PIWIL3: variants seen among roughly 807,000 people sequenced by gnomAD.
PIWIL3 encodes the protein piwi like RNA-mediated gene silencing 3, also known as piwi-like protein 3.
In PIWIL3, 101 loss-of-function variants were observed where a neutral mutation model predicts 109.7. The ratio of observed to expected loss-of-function variants is 0.92; its 90% CI spans 0.78 to 1.09. The LOEUF (loss-of-function observed/expected upper bound fraction) is 1.09. PIWIL3 is among the 50% of genes least tolerant of loss of function. PIWIL3 has a pLI of 0.00. For synonymous variants in PIWIL3, 373 were observed against 376.4 expected, an observed-to-expected ratio of 0.99 and a Z score of 0.10; for missense variants, 1,031 against 1,072.6, an observed-to-expected ratio of 0.96 and a Z score of 0.54.
At chr22:24,757,673 C>CACACATATATATAAAATATGTATATATT (rs1569109514) in intron 4 of PIWIL3, among the ~76,000 whole-genome samples, 4 of 133,680 alleles carry the variant, frequency 3.0e-5, no homozygotes, top group African/African-American at 1.1e-4. Context: ...CACACACACA[C>CACACATATATATAAAATATGTATATATT]ACACACACAC....
chr22:24,740,328 C>T (rs575387284), intron 12 of PIWIL3, among the ~76,000 whole-genome samples: 2 of 151,522 alleles, frequency 1.3e-5, no homozygotes, highest in African/African-American at 2.4e-5. Flanking sequence ...GCGGGTGGAT[C>T]ACAAGGTCAG....
chr22:24,726,580 C>T (rs1268167065), intron 16 of PIWIL3, among the ~76,000 whole-genome samples: 3 of 152,190 alleles, frequency 2.0e-5, no homozygotes, highest in Non-Finnish European at 4.4e-5. Flanking sequence ...CCGCCGCACC[C>T]GGCGGTATTG....
chr22:24,746,135 A>G (rs1924353582), intron 12 of PIWIL3, among the ~76,000 whole-genome samples: 1 of 152,218 alleles, frequency 6.6e-6, no homozygotes. Context: ...CACATCAAGA[A>G]AAGAAAACTA....
chr22:24,772,516 T>TTACA (rs1290240829), intron 1 of PIWIL3, among the ~76,000 whole-genome samples: 1 of 152,088 alleles, frequency 6.6e-6, no homozygotes, highest in Non-Finnish European at 1.5e-5. Context: ...CCTGTGGGGG[T>TTACA]TACAGGAGCC....
At chr22:24,751,265 A>G in intron 9 of PIWIL3, 122 bp downstream of exon 9, 1 of 995,872 alleles carries the variant, frequency 1.0e-6, no homozygotes, top group Non-Finnish European at 1.5e-6. Flanking sequence ...GTCAAGCTAT[A>G]ATCCCCTAAA....
chr22:24,756,665 G>C lies in PIWIL3; in HGVS notation c.396C>G (p.Phe132Leu). The change falls in exon 5 of 21, where the codon TTC becomes TTG. Residue 132 changes from phenylalanine to leucine, a missense_variant. Physicochemically the swap from Phe to Leu is conservative, Grantham distance 22. Transcript: ENST00000616349. ...GTVVQLLANH[F>L]RVISRPQWVA... ...CCCACTGAGGACGAGATATCACTCGGAAGTGGTTGGCGAGTAGCTGTACCA... is the reference window on the plus strand; with the variant it reads ...CCCACTGAGGACGAGATATCACTCGCAAGTGGTTGGCGAGTAGCTGTACCA... 1 of 1,614,060 alleles carries C rather than the reference G, an allele frequency of 6.2e-7. No individual in the cohort carries two copies.
chr22:24,751,261 C>A lies in PIWIL3; in HGVS notation c.1089+126G>T. The A allele has an allele frequency of 3.1e-6, 3 of 966,016 alleles. No individual in the cohort carries two copies. The South Asian group carries it at 5.2e-5, about 17-fold the overall frequency. 59.8% of individuals were successfully genotyped at this position (966,016 alleles called of 1,614,324 possible). On this transcript the variant is annotated intron_variant, in intron 9 of 20. Coordinates refer to ENST00000616349, the MANE Select transcript of PIWIL3 (RefSeq NM_001255975.1). ...ATGCATGGATAATAGATAAGTCAAG[C>A]TATAATCCCCTAAAAGGAAAATATG...
rs1925053784 is a variant in PIWIL3 at position 24,756,708 on chromosome 22, G to C, written c.356-3C>G. The C allele has an allele frequency of 1.9e-6, 3 of 1,606,942 alleles. No homozygotes were observed. Among genetic ancestry groups the C allele is most frequent in the Admixed American group, 1.7e-5 (1 of 59,634 alleles). ...CTGTACCACTGTACCCTCTGAACCT[G>C]AAAAATGGAGCCACATGACAATAAA... On this transcript the variant is annotated splice_region_variant and splice_polypyrimidine_tract_variant and intron_variant, in intron 4 of 20. Transcript: ENST00000616349.
intron 14 of PIWIL3, among the ~76,000 whole-genome samples, chr22:24,729,663 T>A (rs1923217112): frequency 6.6e-6 from 1 of 152,182 alleles, no homozygotes; most frequent in African/African-American, 2.4e-5. Context: ...TTATAGGAAG[T>A]TTTTGGTGGA....
chr22:24,768,151 G>A (rs1210781456), intron 1 of PIWIL3, among the ~76,000 whole-genome samples: 1 of 152,124 alleles, frequency 6.6e-6, no homozygotes, highest in African/African-American at 2.4e-5. Context: ...GCACAGAGCT[G>A]ACATTTGCCA....
chr22:24,763,829 G>T (rs1028410947), intron 1 of PIWIL3, among the ~76,000 whole-genome samples: 2 of 150,600 alleles, frequency 1.3e-5, no homozygotes, highest in African/African-American at 4.9e-5. Flanking sequence ...ACCATCTCCT[G>T]CCTCGGCCCT....
At chr22:24,743,826 CA>C (rs1924150323) in intron 12 of PIWIL3, among the ~76,000 whole-genome samples, 1 of 151,878 alleles carries the variant, frequency 6.6e-6, no homozygotes, top group Non-Finnish European at 1.5e-5. Context: ...TTTAAAAAAA[CA>C]GAAGAAAAAT....
At chr22:24,728,416 C>T in intron 14 of PIWIL3, 42 bp from the exon 15 acceptor site, 1 of 1,610,528 alleles carries the variant, frequency 6.2e-7, no homozygotes, top group South Asian at 1.1e-5. Flanking sequence ...GATACAACAA[C>T]AGTGATACAG....
At chr22:24,734,451 T>C (rs768526404) in intron 13 of PIWIL3, among the ~76,000 whole-genome samples, 1 of 152,114 alleles carries the variant, frequency 6.6e-6, no homozygotes, top group South Asian at 2.1e-4. Context: ...AATCACTGCC[T>C]CCAATATTGA....
intron 18 of PIWIL3, among the ~76,000 whole-genome samples, chr22:24,724,328 T>A (rs894788551): frequency 4.6e-5 from 7 of 152,084 alleles, no homozygotes; most frequent in Non-Finnish European, 1.0e-4. Flanking sequence ...TCTCACTGTG[T>A]CACCCAGGTA....
chr22:24,755,730 T>C (rs542226398), intron 6 of PIWIL3, 54 bp downstream of exon 6: 3 of 1,607,460 alleles, frequency 1.9e-6, no homozygotes, highest in Admixed American at 3.3e-5. Flanking sequence ...TCCACACCAC[T>C]ACACAGTAAA....
At chr22:24,740,258 G>A (rs1601833570) in intron 12 of PIWIL3, among the ~76,000 whole-genome samples, 2 of 136,666 alleles carry the variant, frequency 1.5e-5, no homozygotes, top group Admixed American at 7.3e-5. Context: ...AATTAGAAAT[G>A]AAACGGGAGG....
intron 9 of PIWIL3, among the ~76,000 whole-genome samples, chr22:24,751,161 T>TGAAAGAAGG (rs917936479): frequency 4.6e-5 from 7 of 151,006 alleles, no homozygotes; most frequent in African/African-American, 1.7e-4. Flanking sequence ...CTTTTAAGAC[T>TGAAAGAAGG]GAAAGAAGGG....
chr22:24,754,197 A>G lies in PIWIL3; in HGVS notation c.794T>C (p.Leu265Pro). 1 of 1,613,882 alleles carries G rather than the reference A, an allele frequency of 6.2e-7. No individual in the cohort carries two copies. Among genetic ancestry groups the G allele is most frequent in the Non-Finnish European group, 8.5e-7 (1 of 1,179,760 alleles). Residue 265 changes from leucine (L) to proline (P), a missense_variant, in exon 8 of 21, where the codon CTT becomes CCT. Coordinates refer to ENST00000616349, the MANE Select transcript of PIWIL3 (RefSeq NM_001255975.1). ...YRHGTSLEIWLGYVTSVLQYE... is the reference protein window; with the variant it reads ...YRHGTSLEIWPGYVTSVLQYE... ...TTGAAGAACAGAAGTAACATAACCA[A>G]GCCAGATTTCCAAACTGGTACTAGA...
Sources: gnomAD v4.1 joint callset for allele counts (sites outside exome capture counted in the v4.1 genomes callset) on GRCh38, gnomAD v4.1.1 for gene constraint, MANE v1.5 for transcripts, NCBI Gene and HGNC (gene_info 2026-07-23, HGNC 2026-07-21) for gene names.